Variants in APC observed in about 807,000 individuals in gnomAD.
APC encodes the protein APC regulator of Wnt signaling pathway.
Under a neutral mutation model 247.0 loss-of-function variants are expected in APC, and 72 were observed. The ratio of observed to expected loss-of-function variants is 0.29; its 90% CI spans 0.24 to 0.35. The LOEUF is 0.35. Among genes scored for constraint, APC ranks in the 10% least tolerant of loss-of-function variants. APC has a pLI of 1.00. For synonymous variants in APC, 1,254 were observed against 1,162.5 expected (o/e 1.08, Z -1.60); for missense variants, 3,400 against 3,360.7 (o/e 1.01, Z -0.29).
chr5:112,787,031 G>A (rs1759038315), intron 6 of APC, among the ~76,000 whole-genome samples: 1 of 151,908 alleles, frequency 6.6e-6, no homozygotes, highest in South Asian at 2.1e-4. Context: ...GGAATTACAG[G>A]CATGTGCCAC....
chr5:112,761,237 G>A (rs1236184826), intron 2 of APC, among the ~76,000 whole-genome samples: 1 of 152,106 alleles, frequency 6.6e-6, no homozygotes, highest in African/African-American at 2.4e-5. Context: ...TACACAGTTG[G>A]CATACAGTCA....
intron 4 of APC, among the ~76,000 whole-genome samples, chr5:112,770,741 A>T (rs1756944994): frequency 6.6e-6 from 1 of 152,144 alleles, no homozygotes; most frequent in African/African-American, 2.4e-5. Context: ...AGTATTGGAC[A>T]TGACTTACTG....
chr5:112,746,134 G>A (rs1180118166), intron 1 of APC, among the ~76,000 whole-genome samples: 1 of 150,866 alleles, frequency 6.6e-6, no homozygotes, highest in African/African-American at 2.5e-5. Context: ...TGAAAAACTA[G>A]AGGAAAGAAA....
At chr5:112,709,699 C>A (rs545616443) in intron 1 of APC, among the ~76,000 whole-genome samples, 1 of 151,900 alleles carries the variant, frequency 6.6e-6, no homozygotes, top group Non-Finnish European at 1.5e-5. Context: ...TCCAGGAGTT[C>A]GAGACCAGCC....
rs149509610 is a variant in APC, at chr5:112,785,689, A to G, written c.645+4786A>G. ...ACTAGAAAGAGGTACAGGAATATTT[A>G]CAACCTTTATATGACAGAAGTTACA... On this transcript the variant is annotated intron_variant, in intron 6 of 15. Transcript: ENST00000257430. 5.8e-3 allele frequency among the ~76,000 whole-genome samples: 885 copies of G among 152,314 alleles called. 6 individuals are homozygous for G. The highest frequency in any genetic ancestry group is 0.01 in the Middle Eastern group (3 of 294).
intron 9 of APC, among the ~76,000 whole-genome samples, chr5:112,817,029 C>T (rs920722854): frequency 4.0e-5 from 6 of 151,534 alleles, no homozygotes; most frequent in African/African-American, 1.2e-4. Context: ...CCACCATGCC[C>T]GGCTAATTTT....
At chr5:112,733,246 C>T (rs1462730191), upstream of APC, among the ~76,000 whole-genome samples, 1 of 152,100 alleles carries the variant, frequency 6.6e-6, no homozygotes, top group Non-Finnish European at 1.5e-5. Context: ...TAATGGCTCC[C>T]TACAAATGTC....
At chr5:112,829,342 T>A (rs1412096873) in intron 14 of APC, 2 of 237,668 alleles carry the variant, frequency 8.4e-6, no homozygotes, top group Admixed American at 1.0e-4. Flanking sequence ...ACCATGTTGG[T>A]AAGGCTGGTC....
intron 1 of APC, among the ~76,000 whole-genome samples, chr5:112,740,231 A>G (rs917538796): frequency 2.1e-4 from 32 of 152,204 alleles, no homozygotes; most frequent in Non-Finnish European, 3.8e-4. Context: ...GACATTCATA[A>G]ACGACTTTTT....
intron 1 of APC, among the ~76,000 whole-genome samples, chr5:112,720,803 C>T (rs911665740): frequency 2.6e-5 from 4 of 152,166 alleles, no homozygotes; most frequent in African/African-American, 9.7e-5. Context: ...AACCAGCTAG[C>T]TTTGTTAGCT....
At chr5:112,746,700 T>C (rs1476156767) in intron 1 of APC, among the ~76,000 whole-genome samples, 1 of 152,236 alleles carries the variant, frequency 6.6e-6, no homozygotes, top group African/African-American at 2.4e-5. Flanking sequence ...AAAAATTTAC[T>C]GAAATCTGAG....
intron 6 of APC, among the ~76,000 whole-genome samples, chr5:112,787,183 C>T (rs1418554261): frequency 1.3e-5 from 2 of 152,154 alleles, no homozygotes; most frequent in African/African-American, 2.4e-5. Context: ...CCACCACTCT[C>T]GGCCTCAACC....
intron 7 of APC, among the ~76,000 whole-genome samples, chr5:112,799,809 G>A (rs999810292): frequency 6.6e-6 from 1 of 151,594 alleles, no homozygotes; most frequent in East Asian, 1.9e-4. Flanking sequence ...TCGTTGACAC[G>A]CTAAAACAAG....
Position 112,827,209 on chromosome 5 carries a change from G to A in APC, c.1510G>A (p.Ala504Thr), listed in dbSNP as rs1322313189. ...TACACTAAGACGATATGCTGGAATG[G>A]CTTTGACAAACTTGACTTTTGGAGA... is the stretch of plus-strand genomic sequence containing the variant. ...SITLRRYAGM[A>T]LTNLTFGDVA... The change falls in exon 12 of 16, where the codon GCT becomes ACT. Residue 504 changes from alanine (A) to threonine (T), a missense_variant. Physicochemically the swap from Ala to Thr is moderately conservative, Grantham distance 58. This residue lies in a region of APC where 184 missense variants were observed against 248.0 expected (regional missense o/e 0.74). Coordinates refer to ENST00000257430, the MANE Select transcript of APC (RefSeq NM_000038.6). 4 of 1,613,742 alleles carry A rather than the reference G, an allele frequency of 2.5e-6. No homozygotes were observed. The highest frequency in any genetic ancestry group is 1.3e-5 in the African/African-American group (1 of 74,884).
intron 1 of APC, among the ~76,000 whole-genome samples, chr5:112,727,463 GT>G (rs1388291025): frequency 1.3e-5 from 2 of 152,040 alleles, no homozygotes; most frequent in Non-Finnish European, 2.9e-5. Flanking sequence ...CAAGGCTTTG[GT>G]TTCAAGTTCT....
chr5:112,746,043 A>AAACAG (rs370270254), intron 1 of APC, among the ~76,000 whole-genome samples: 50 of 152,316 alleles, frequency 3.3e-4, no homozygotes, highest in African/African-American at 1.1e-3. Flanking sequence ...AATAAAAGGC[A>AAACAG]AACAGAACAT....
rs980704771 is a variant in APC, at chr5:112,707,765, T to G, written c.48T>G (p.Ser16=). The change falls in exon 1 of 14, where the codon TCT becomes TCG. Residue 16 remains serine, a synonymous_variant. Transcript: ENST00000507379. The stretch of plus-strand genomic sequence containing the variant: ...GTCCGGTCGCCCCTTTGCCCGCTTC[T>G]GTACCACCCTCAGTTCTCGGGTCCT... 8.8e-6 allele frequency: 12 copies of G among 1,370,640 alleles called. 1 individual carries two copies. Among genetic ancestry groups the G allele is most frequent in the Middle Eastern group, 1.9e-4 (1 of 5,188 alleles). The allele number at this position is 1,370,640 out of a possible 1,614,324, so 84.9% of individuals were successfully genotyped here.
At chr5:112,756,682 T>A (rs1046855487) in intron 2 of APC, among the ~76,000 whole-genome samples, 4 of 152,184 alleles carry the variant, frequency 2.6e-5, no homozygotes, top group African/African-American at 9.7e-5. Flanking sequence ...AAACTCATAT[T>A]TGAGAGACAA....
At chr5:112,781,762 G>A (rs1260786568) in intron 6 of APC, among the ~76,000 whole-genome samples, 1 of 148,254 alleles carries the variant, frequency 6.7e-6, no homozygotes, top group Non-Finnish European at 1.5e-5. Context: ...TAAACATAAT[G>A]ATTTTTTTTT....
Sources: gnomAD v4.1 joint callset for allele counts (sites outside exome capture counted in the v4.1 genomes callset) on GRCh38, gnomAD v4.1.1 for gene constraint, gnomAD v4.1.1 regional missense constraint, MANE v1.5 for transcripts, NCBI Gene and HGNC (gene_info 2026-07-23, HGNC 2026-07-21) for gene names.